ASTN2: variants seen among roughly 807,000 people sequenced by gnomAD.
The protein encoded by ASTN2 is astrotactin 2.
In ASTN2, 54 loss-of-function variants were observed where a neutral mutation model predicts 139.8. That is an observed-to-expected ratio of 0.39 (90% CI 0.31 to 0.48). The LOEUF is 0.48. ASTN2 is among the 20% of genes least tolerant of loss of function. The pLI, the probability that ASTN2 is intolerant of heterozygous loss-of-function variation, is 0.95. For synonymous variants in ASTN2, 756 were observed against 719.5 expected (o/e 1.05, Z -0.81); for missense variants, 1,565 against 1,725.1 (o/e 0.91, Z 1.64).
chr9:117,398,084 ATG>A (rs142978231), intron 1 of ASTN2, among the ~76,000 whole-genome samples: 6 of 151,934 alleles, frequency 3.9e-5, no homozygotes, highest in African/African-American at 1.2e-4. Flanking sequence ...TATTATGTAT[ATG>A]TGTGTGTGTG....
At chr9:116,705,773 T>C (rs950829273) in intron 16 of ASTN2, among the ~76,000 whole-genome samples, 1 of 151,996 alleles carries the variant, frequency 6.6e-6, no homozygotes, top group Non-Finnish European at 1.5e-5. Flanking sequence ...GGTAACAGGA[T>C]AGAAATGGAG....
At chr9:116,926,154 C>T (rs2132443850) in intron 10 of ASTN2, among the ~76,000 whole-genome samples, 1 of 152,224 alleles carries the variant, frequency 6.6e-6, no homozygotes, top group South Asian at 2.1e-4. Context: ...ATGTTGTTCC[C>T]TGTATGATCA....
intron 7 of ASTN2, among the ~76,000 whole-genome samples, chr9:116,993,723 TA>T (rs1364904462): frequency 1.4e-5 from 2 of 147,894 alleles, no homozygotes; most frequent in African/African-American, 4.9e-5. Context: ...TTATATATAG[TA>T]CATTATATAT....
At chr9:117,099,841 T>C (rs1347120613) in intron 4 of ASTN2, among the ~76,000 whole-genome samples, 1 of 152,182 alleles carries the variant, frequency 6.6e-6, no homozygotes, top group East Asian at 1.9e-4. Flanking sequence ...CTATAAGGAC[T>C]GTATCATGAG....
At chr9:117,065,172 G>A (rs767537267) in intron 5 of ASTN2, among the ~76,000 whole-genome samples, 1 of 152,056 alleles carries the variant, frequency 6.6e-6, no homozygotes, top group African/African-American at 2.4e-5. Flanking sequence ...AGGAAGCCAC[G>A]GAACAGAACA....
intron 13 of ASTN2, among the ~76,000 whole-genome samples, chr9:116,793,690 A>G (rs1042757310): frequency 1.3e-5 from 2 of 152,246 alleles, no homozygotes; most frequent in Non-Finnish European, 2.9e-5. Flanking sequence ...TTGAAAAACA[A>G]ACAAAAAAGC....
chr9:116,827,312 CCAA>C (rs1182243039), intron 11 of ASTN2, among the ~76,000 whole-genome samples: 1 of 77,312 alleles, frequency 1.3e-5, no homozygotes, highest in African/African-American at 5.2e-5. Context: ...TCCATCCCCC[CCAA>C]AAAAAAAAAA....
At chr9:116,602,467 T>C (rs907524156) in intron 19 of ASTN2, among the ~76,000 whole-genome samples, 1 of 152,014 alleles carries the variant, frequency 6.6e-6, no homozygotes, top group Non-Finnish European at 1.5e-5. Flanking sequence ...GCATAAGAAA[T>C]ACTGCAATGA....
intron 4 of ASTN2, among the ~76,000 whole-genome samples, chr9:117,117,398 GA>G (rs35130478): frequency 0.47 from 65,402 of 139,866 alleles, 14,945 homozygotes; most frequent in East Asian, 0.58. Flanking sequence ...CGAAGAAAGA[GA>G]AAAAAAAAAA....
At chr9:116,509,343 CT>C (rs1167227698) in intron 19 of ASTN2, among the ~76,000 whole-genome samples, 3 of 152,102 alleles carry the variant, frequency 2.0e-5, no homozygotes, top group Non-Finnish European at 4.4e-5. Context: ...TGAACTCATC[CT>C]TTTTTATGGC....
At chr9:116,858,634 G>A (rs1274533297) in intron 11 of ASTN2, among the ~76,000 whole-genome samples, 1 of 152,104 alleles carries the variant, frequency 6.6e-6, no homozygotes, top group Non-Finnish European at 1.5e-5. Context: ...ATGTTTGTCA[G>A]ATTTATAACA....
chr9:117,000,376 T>C (rs958107578), intron 7 of ASTN2, among the ~76,000 whole-genome samples: 1 of 152,230 alleles, frequency 6.6e-6, no homozygotes, highest in Non-Finnish European at 1.5e-5. Flanking sequence ...CATGCTTGAA[T>C]GAATGAATAA....
intron 19 of ASTN2, among the ~76,000 whole-genome samples, chr9:116,560,557 C>T (rs1852852921): frequency 6.6e-6 from 1 of 151,900 alleles, no homozygotes. Context: ...TTCCAGCTTC[C>T]CTCCAGCCTC....
At chr9:116,531,516 TC>T (rs778852899) in intron 19 of ASTN2, among the ~76,000 whole-genome samples, 9 of 103,984 alleles carry the variant, frequency 8.7e-5, no homozygotes, top group Non-Finnish European at 1.6e-4. Flanking sequence ...CCACTCCCCC[TC>T]CCCCCACCCC....
chr9:116,556,790 C>G (rs759042914), intron 19 of ASTN2, among the ~76,000 whole-genome samples: 11 of 152,110 alleles, frequency 7.2e-5, no homozygotes, highest in Non-Finnish European at 1.3e-4. Context: ...TTTCTACCCA[C>G]TTTATCCACT....
chr9:116,992,075 A>G (rs1836875045), intron 7 of ASTN2, among the ~76,000 whole-genome samples: 1 of 152,236 alleles, frequency 6.6e-6, no homozygotes, highest in South Asian at 2.1e-4. Context: ...ACATGTGGCA[A>G]GAGGCCATGC....
At chr9:116,738,859 G>C (rs1182236300) in intron 13 of ASTN2, among the ~76,000 whole-genome samples, 1 of 152,178 alleles carries the variant, frequency 6.6e-6, no homozygotes, top group Non-Finnish European at 1.5e-5. Flanking sequence ...CTGTGCTCTT[G>C]ATCCCTGGCA....
intron 6 of ASTN2, among the ~76,000 whole-genome samples, chr9:117,023,641 A>G (rs563644261): frequency 2.6e-5 from 4 of 152,286 alleles, no homozygotes; most frequent in African/African-American, 7.2e-5. Context: ...CCAGCACAGC[A>G]TCTTGACTGC....
intron 20 of ASTN2, 119 bp downstream of exon 20, chr9:116,487,240 A>G: frequency 7.9e-7 from 1 of 1,258,218 alleles, no homozygotes; most frequent in South Asian, 1.5e-5. Flanking sequence ...CTCAAGTTGC[A>G]CATACAGGCT....
Sources: allele counts gnomAD v4.1 joint callset (sites outside exome capture counted in the v4.1 genomes callset), GRCh38; gene constraint gnomAD v4.1.1; transcripts MANE v1.5; gene names NCBI Gene and HGNC (gene_info 2026-07-23, HGNC 2026-07-21).